Variants in DOCK9 observed in about 807,000 individuals in gnomAD.
DOCK9 encodes dedicator of cytokinesis protein 9.
In DOCK9, 89 loss-of-function variants were observed where a neutral mutation model predicts 263.3. The ratio of observed to expected loss-of-function variants is 0.34; its 90% CI spans 0.28 to 0.40. The LOEUF (loss-of-function observed/expected upper bound fraction) is 0.40. Ranked by LOEUF, DOCK9 falls within the 10% of genes least tolerant of loss-of-function variation. The probability of loss-of-function intolerance (pLI) is 1.00; values close to 1 mark genes in which losing one functional copy is unlikely to be tolerated. For missense variants in DOCK9, 2,140 were observed against 2,603.4 expected (o/e 0.82, Z 3.87); for synonymous variants, 976 against 973.1 (o/e 1.00, Z -0.06).
intron 1 of DOCK9, chr13:99,015,722 C>A: frequency 1.4e-6 from 2 of 1,417,228 alleles, no homozygotes. Flanking sequence ...AAGCAGTCAC[C>A]GGTACTGGAA....
At chr13:99,068,070 T>C (rs77534363) in intron 1 of DOCK9, among the ~76,000 whole-genome samples, 16,610 of 151,992 alleles carry the variant, frequency 0.11, 1,310 homozygotes, top group East Asian at 0.25. Flanking sequence ...TGCCCCAGCA[T>C]TGATACTCTA....
At chr13:98,820,175 G>A (rs898353190) in intron 45 of DOCK9, among the ~76,000 whole-genome samples, 3 of 152,132 alleles carry the variant, frequency 2.0e-5, no homozygotes, top group Non-Finnish European at 2.9e-5. Context: ...TATGTGTTTT[G>A]TTTAAAGACA....
intron 33 of DOCK9, 96 bp from the exon 34 acceptor site, chr13:98,856,127 AT>A: frequency 1.5e-6 from 2 of 1,334,422 alleles, no homozygotes; most frequent in Non-Finnish European, 2.1e-6. Context: ...TATTGCACTT[AT>A]TTTTTCTGTT....
intron 1 of DOCK9, among the ~76,000 whole-genome samples, chr13:99,038,724 T>C (rs1888184264): frequency 1.3e-5 from 2 of 152,254 alleles, no homozygotes; most frequent in South Asian, 4.1e-4. Context: ...TTATGGCATC[T>C]GTCTTGGGAA....
rs544758722 is a variant in DOCK9, at chr13:99,058,026, G to A, written c.129+28197C>T. ...AGGCAAAAGACGGCCAAAACAGAGG[G>A]GGAAGGGTATTTATACAATATCTCT... On this transcript the variant is annotated intron_variant, in intron 1 of 32. Coordinates refer to the DOCK9 transcript ENST00000427887. 2.9e-3 allele frequency among the ~76,000 whole-genome samples: 439 copies of A among 152,142 alleles called. 2 individuals are homozygous for A. Among genetic ancestry groups the A allele is most frequent in the Non-Finnish European group, 4.6e-3 (316 of 67,988 alleles).
intron 1 of DOCK9, among the ~76,000 whole-genome samples, chr13:99,073,426 G>A (rs1012174986): frequency 7.1e-6 from 1 of 141,656 alleles, no homozygotes; most frequent in African/African-American, 2.6e-5. Flanking sequence ...CTTATGCTCA[G>A]GCATAAGCTC....
intron 5 of DOCK9, 147 bp from the exon 6 acceptor site, chr13:98,922,293 A>C: frequency 1.8e-6 from 1 of 554,574 alleles, no homozygotes; most frequent in Non-Finnish European, 3.3e-6. Context: ...CAATGCCTAC[A>C]AGTCACATAA....
chr13:98,906,881 C>A (rs4771320), intron 9 of DOCK9, among the ~76,000 whole-genome samples: 5,093 of 152,044 alleles, frequency 0.033, 275 homozygotes, highest in African/African-American at 0.12. Flanking sequence ...TCCATTTTCA[C>A]TTCCAGGTAA....
At chr13:99,020,156 C>T (rs1432325005) in intron 1 of DOCK9, among the ~76,000 whole-genome samples, 1 of 152,136 alleles carries the variant, frequency 6.6e-6, no homozygotes, top group African/African-American at 2.4e-5. Flanking sequence ...CTACTCTGCC[C>T]ACCCCATAGG....
intron 38 of DOCK9, among the ~76,000 whole-genome samples, chr13:98,838,671 T>C (rs1037495051): frequency 2.0e-5 from 3 of 152,344 alleles, no homozygotes; most frequent in African/African-American, 7.2e-5. Flanking sequence ...ATGGTATGCA[T>C]TAGCAGAAAT....
chr13:98,991,212 T>C (rs1383393219), intron 1 of DOCK9, among the ~76,000 whole-genome samples: 1 of 152,040 alleles, frequency 6.6e-6, no homozygotes, highest in Non-Finnish European at 1.5e-5. Context: ...GCTAAGACTA[T>C]AGGCATGCAC....
In DOCK9 at chr13:98,985,173, C is replaced by T. The variant is rs536520506; in HGVS notation, c.130-29622G>A. ...GCAGTCCCTAAAGAAACCTCTGTTT[C>T]CAGATGAGGAAGCTAAGATGGGAGA... On this transcript the variant is annotated intron_variant, in intron 1 of 32. Transcript: ENST00000427887. Among the ~76,000 whole-genome samples, 146 of 152,224 alleles carry T rather than the reference C, an allele frequency of 9.6e-4. 2 individuals are homozygous for T. Among genetic ancestry groups the T allele is most frequent in the African/African-American group, 3.3e-3 (139 of 41,532 alleles).
intron 2 of DOCK9, among the ~76,000 whole-genome samples, chr13:98,931,288 T>TTGTA (rs2094681585): frequency 8.5e-6 from 1 of 117,142 alleles, no homozygotes; most frequent in Non-Finnish European, 1.9e-5. Flanking sequence ...TTTTTAATTT[T>TTGTA]TTTATTTATT....
intron 1 of DOCK9, among the ~76,000 whole-genome samples, chr13:99,041,800 A>G (rs933486686): frequency 6.6e-6 from 1 of 152,274 alleles, no homozygotes; most frequent in Non-Finnish European, 1.5e-5. Context: ...AATAAGAGAC[A>G]GAAGCGGAGA....
chr13:98,977,272 T>C (rs1875062411), intron 1 of DOCK9, among the ~76,000 whole-genome samples: 1 of 152,224 alleles, frequency 6.6e-6, no homozygotes, highest in Non-Finnish European at 1.5e-5. Flanking sequence ...CCTACTTTAT[T>C]CAAGGCAAAC....
At chr13:99,048,429 G>A (rs2040537056) in intron 1 of DOCK9, among the ~76,000 whole-genome samples, 7 of 152,166 alleles carry the variant, frequency 4.6e-5, no homozygotes, top group Admixed American at 3.9e-4. Context: ...AATAATGCAT[G>A]CTCTGTGTTC....
At chr13:98,987,423 C>G (rs981349236) in intron 1 of DOCK9, among the ~76,000 whole-genome samples, 8 of 152,144 alleles carry the variant, frequency 5.3e-5, no homozygotes, top group African/African-American at 1.9e-4. Flanking sequence ...AAAACTTGAA[C>G]ATTGGTGGAT....
At chr13:99,037,779 T>G in intron 1 of DOCK9, among the ~76,000 whole-genome samples, 1 of 152,192 alleles carries the variant, frequency 6.6e-6, no homozygotes, top group Non-Finnish European at 1.5e-5. Flanking sequence ...TCAAATTAAT[T>G]CATCAGTATA....
At chr13:98,907,739 C>T (rs1009138601) in intron 9 of DOCK9, among the ~76,000 whole-genome samples, 1 of 152,154 alleles carries the variant, frequency 6.6e-6, no homozygotes, top group Non-Finnish European at 1.5e-5. Flanking sequence ...TAAGATGATG[C>T]ATTAAACACA....
Sources: allele counts gnomAD v4.1 joint callset (sites outside exome capture counted in the v4.1 genomes callset), GRCh38; gene constraint gnomAD v4.1.1; transcripts MANE v1.5; gene names NCBI Gene and HGNC (gene_info 2026-07-23, HGNC 2026-07-21).